Variants in SYCE3 observed in about 807,000 individuals in gnomAD.
SYCE3 encodes testis highly expressed gene 2 protein.
Under a neutral mutation model 8.1 loss-of-function variants are expected in SYCE3, and 3 were observed. The ratio of observed to expected loss-of-function variants is 0.37; its 90% CI spans 0.17 to 0.96. The LOEUF (loss-of-function observed/expected upper bound fraction) is 0.96, where lower values mean the gene tolerates loss of function less well. Among genes scored for constraint, SYCE3 ranks in the 40% least tolerant of loss-of-function variants. The probability of loss-of-function intolerance (pLI) is 0.41; values close to 1 mark genes in which losing one functional copy is unlikely to be tolerated. For synonymous variants in SYCE3, 36 were observed against 38.7 expected (o/e 0.93, Z 0.26); for missense variants, 83 against 110.0 (o/e 0.75, Z 1.10).
At chr22:50,556,168 G>T in intron 2 of SYCE3, 129 bp downstream of exon 2, 1 of 635,076 alleles carries the variant, frequency 1.6e-6, no homozygotes. Context: ...GCTGTACCCT[G>T]CCAACCTTGA....
At chr22:50,551,507 C>G in intron 2 of SYCE3, 105 bp from the exon 3 acceptor site, 2 of 1,276,154 alleles carry the variant, frequency 1.6e-6, no homozygotes, top group South Asian at 1.5e-5. Flanking sequence ...TCTGGAGGCC[C>G]AGATCCTGCT....
intron 2 of SYCE3, 148 bp downstream of exon 2, chr22:50,556,149 T>A: frequency 1.7e-6 from 1 of 604,458 alleles, no homozygotes; most frequent in Middle Eastern, 4.5e-4. Context: ...CTAAAATGTA[T>A]AAAAGCAAGC....
chr22:50,555,517 G>T (rs956104541), intron 2 of SYCE3, among the ~76,000 whole-genome samples: 5 of 152,158 alleles, frequency 3.3e-5, no homozygotes, highest in African/African-American at 1.2e-4. Flanking sequence ...AAGGTGACTA[G>T]CATTAACATG....
intron 1 of SYCE3, among the ~76,000 whole-genome samples, chr22:50,560,045 G>A (rs916281004): frequency 4.6e-5 from 7 of 152,198 alleles, no homozygotes; most frequent in South Asian, 2.1e-4. Flanking sequence ...GAGCCCAATC[G>A]AAATGTTTCT....
At chr22:50,556,014 C>A (rs936257047) in intron 2 of SYCE3, among the ~76,000 whole-genome samples, 1 of 151,960 alleles carries the variant, frequency 6.6e-6, no homozygotes, top group African/African-American at 2.4e-5. Flanking sequence ...AGGATGGTCT[C>A]GATCTCCTGA....
chr22:50,557,558 T>C (rs1217795559), intron 1 of SYCE3, among the ~76,000 whole-genome samples: 8 of 152,208 alleles, frequency 5.3e-5, no homozygotes, highest in African/African-American at 1.7e-4. Context: ...GCACAGTACC[T>C]ACCGTAATGA....
chr22:50,551,874 C>T (rs942369278), intron 2 of SYCE3, among the ~76,000 whole-genome samples: 4 of 152,206 alleles, frequency 2.6e-5, no homozygotes, highest in African/African-American at 4.8e-5. Flanking sequence ...CCCACCTCCA[C>T]CTGGGCACCT....
At chr22:50,557,157 GTTT>G (rs60714079) in intron 1 of SYCE3, among the ~76,000 whole-genome samples, 104 of 137,998 alleles carry the variant, frequency 7.5e-4, no homozygotes, top group African/African-American at 2.6e-3. Flanking sequence ...ATTTTTTTGA[GTTT>G]TTTTTTTTTT....
intron 2 of SYCE3, among the ~76,000 whole-genome samples, chr22:50,552,862 C>G (rs2069824131): frequency 6.6e-6 from 1 of 152,112 alleles, no homozygotes; most frequent in Non-Finnish European, 1.5e-5. Flanking sequence ...AGAGCTCACT[C>G]TCACTCTATG....
chr22:50,551,821 C>A (rs1435040761), intron 2 of SYCE3, among the ~76,000 whole-genome samples: 1 of 152,160 alleles, frequency 6.6e-6, no homozygotes, highest in Non-Finnish European at 1.5e-5. Flanking sequence ...CCTGCAAGAC[C>A]CAAACCTCAT....
chr22:50,562,575 G>GGT (rs1402486811), intron 1 of SYCE3, among the ~76,000 whole-genome samples: 1 of 68,236 alleles, frequency 1.5e-5, no homozygotes. Flanking sequence ...GGTGAGGCGG[G>GGT]GTGAGGGGTG....
intron 2 of SYCE3, 42 bp downstream of exon 2, chr22:50,556,255 A>G: frequency 7.1e-7 from 1 of 1,409,966 alleles, no homozygotes; most frequent in Non-Finnish European, 9.8e-7. Context: ...TTCTAAATTG[A>G]TTGAGACCTG....
chr22:50,551,687 G>A (rs1255176924), intron 2 of SYCE3, among the ~76,000 whole-genome samples: 1 of 152,240 alleles, frequency 6.6e-6, no homozygotes. Flanking sequence ...TACGAAATGT[G>A]AGGAGAATTA....
intron 1 of SYCE3, among the ~76,000 whole-genome samples, chr22:50,556,669 C>G (rs1782329443): frequency 6.6e-6 from 1 of 152,212 alleles, no homozygotes; most frequent in South Asian, 2.1e-4. Context: ...GAGTCATTAA[C>G]ACAGAAAACA....
chr22:50,558,760 C>T (rs1029489659), intron 1 of SYCE3, among the ~76,000 whole-genome samples: 23 of 152,090 alleles, frequency 1.5e-4, no homozygotes, highest in Admixed American at 1.2e-3. Context: ...GAACACCTTC[C>T]TTAACCCTCT....
chr22:50,558,150 G>A (rs1381785945), intron 1 of SYCE3, among the ~76,000 whole-genome samples: 2 of 152,194 alleles, frequency 1.3e-5, no homozygotes, highest in East Asian at 1.9e-4. Flanking sequence ...GTGGCCAAGC[G>A]CGGAGGCTCA....
At chr22:50,560,042 A>G (rs1333207203) in intron 1 of SYCE3, among the ~76,000 whole-genome samples, 1 of 152,230 alleles carries the variant, frequency 6.6e-6, no homozygotes, top group Non-Finnish European at 1.5e-5. Flanking sequence ...CAAGAGCCCA[A>G]TCGAAATGTT....
chr22:50,551,419 G>C lies in SYCE3; in HGVS notation c.110-17C>G. 2 of 1,543,960 alleles carry C rather than the reference G, an allele frequency of 1.3e-6. No homozygotes were observed. Among genetic ancestry groups the C allele is most frequent in the East Asian group, 4.9e-5 (2 of 40,838 alleles). ...TCGCCTGCACTGCAACAAGCAGACA[G>C]GACTGGTCAGGCCACAGGGAGGGGC... On this transcript the variant is annotated splice_polypyrimidine_tract_variant and intron_variant, in intron 2 of 2. Transcript: ENST00000406915.
At chr22:50,554,995 G>A (rs1314676112) in intron 2 of SYCE3, among the ~76,000 whole-genome samples, 6 of 151,546 alleles carry the variant, frequency 4.0e-5, no homozygotes, top group Admixed American at 2.0e-4. Context: ...GGTGGCGGGC[G>A]CCTGTAGTCC....
Sources: allele counts gnomAD v4.1 joint callset (sites outside exome capture counted in the v4.1 genomes callset), GRCh38; gene constraint gnomAD v4.1.1; transcripts MANE v1.5; gene names NCBI Gene and HGNC (gene_info 2026-07-23, HGNC 2026-07-21).